KYNU: variants seen among roughly 807,000 people sequenced by gnomAD.
KYNU encodes the protein kynureninase.
Under a neutral mutation model 59.2 loss-of-function variants are expected in KYNU, and 54 were observed. That is an observed-to-expected ratio of 0.91 (90% CI 0.73 to 1.14). The LOEUF (loss-of-function observed/expected upper bound fraction) is 1.14, where lower values mean the gene tolerates loss of function less well. Ranked by LOEUF, KYNU falls within the 50% of genes most tolerant of loss-of-function variation. KYNU has a pLI of 0.00. For synonymous variants in KYNU, 177 were observed against 192.0 expected (o/e 0.92, Z 0.65); for missense variants, 567 against 554.4 (o/e 1.02, Z -0.23).
intron 10 of KYNU, among the ~76,000 whole-genome samples, chr2:143,000,707 G>C (rs1685685055): frequency 6.6e-6 from 1 of 152,198 alleles, no homozygotes; most frequent in Non-Finnish European, 1.5e-5. Context: ...AGTTATAGCA[G>C]GTATTTCAGC....
intron 1 of KYNU, 96 bp from the exon 2 acceptor site, chr2:142,885,253 G>T (rs751943598): frequency 2.3e-4 from 207 of 916,730 alleles, no homozygotes; most frequent in Middle Eastern, 8.6e-4. Context: ...TTGGGAAAAG[G>T]GAGTCTTAGT....
intron 3 of KYNU, among the ~76,000 whole-genome samples, chr2:142,926,664 C>A (rs1442987862): frequency 2.0e-5 from 3 of 152,174 alleles, no homozygotes; most frequent in South Asian, 2.1e-4. Context: ...AGCTATAGCT[C>A]CTCCCCAGGG....
rs1389088651 is a variant in KYNU at position 143,049,071 on chromosome 2, T to A, written c.*6899T>A. 1 of 152,202 alleles carries A rather than the reference T, an allele frequency of 6.6e-6. No individual in the cohort carries two copies. Among genetic ancestry groups the A allele is most frequent in the Non-Finnish European group, 1.5e-5 (1 of 68,042 alleles). 9.4% of individuals were successfully genotyped at this position (152,202 alleles called of 1,614,324 possible). Reference sequence around the variant, plus strand: ...TAATTTCTAGAAAATTCAGAAGTATTATTTATTTATTCAATTATTACCTCT... The same window carrying A: ...TAATTTCTAGAAAATTCAGAAGTATAATTTATTTATTCAATTATTACCTCT... On this transcript the variant is annotated 3_prime_UTR_variant, in exon 14 of 14. Transcript: ENST00000264170.
At chr2:142,980,836 A>G (rs1323631153) in intron 8 of KYNU, among the ~76,000 whole-genome samples, 2 of 152,168 alleles carry the variant, frequency 1.3e-5, no homozygotes, top group African/African-American at 4.8e-5. Context: ...GAAAAATTGC[A>G]TAAAGTAGCT....
chr2:142,927,960 A>G (rs973205056), intron 4 of KYNU, among the ~76,000 whole-genome samples: 6 of 152,134 alleles, frequency 3.9e-5, no homozygotes, highest in Admixed American at 3.3e-4. Flanking sequence ...AATAAAATAT[A>G]TGTTATTTTT....
intron 3 of KYNU, among the ~76,000 whole-genome samples, chr2:142,919,050 T>C (rs1476347817): frequency 6.6e-6 from 1 of 152,242 alleles, no homozygotes; most frequent in East Asian, 1.9e-4. Context: ...TAGGGAATAG[T>C]GACGAGAAAA....
intron 11 of KYNU, among the ~76,000 whole-genome samples, chr2:143,031,693 C>T: frequency 6.6e-6 from 1 of 152,118 alleles, no homozygotes; most frequent in Middle Eastern, 3.2e-3. Context: ...CCACTGCACT[C>T]AGGCCTGGGT....
chr2:143,003,182 A>T (rs995995406), intron 10 of KYNU, among the ~76,000 whole-genome samples: 1 of 152,210 alleles, frequency 6.6e-6, no homozygotes, highest in Non-Finnish European at 1.5e-5. Flanking sequence ...GTTTTTCTAC[A>T]CAATTTAACT....
At chr2:143,020,566 A>G (rs1026395282) in intron 10 of KYNU, among the ~76,000 whole-genome samples, 9 of 152,180 alleles carry the variant, frequency 5.9e-5, no homozygotes, top group Admixed American at 5.2e-4. Flanking sequence ...ATCCTGGCAA[A>G]TGTTCTAAGT....
chr2:142,928,498 A>C (rs1040179504), intron 4 of KYNU, among the ~76,000 whole-genome samples: 7 of 152,178 alleles, frequency 4.6e-5, no homozygotes, highest in African/African-American at 1.7e-4. Flanking sequence ...ACATAAAAAT[A>C]TCTTTATTGC....
At position 142,986,017 on chromosome 2, in the gene KYNU, C is replaced by T; in HGVS notation, c.898C>T (p.Pro300Ser). The T allele has an allele frequency of 1.9e-6, 3 of 1,606,056 alleles. No individual in the cohort carries two copies. Among genetic ancestry groups the T allele is most frequent in the East Asian group, 2.2e-5 (1 of 44,712 alleles). ...TGAAAAGCATGCCCATACGATTAAA[C>T]CTGCGTGAGTACCATCTTCAGCTAA... ...IHEKHAHTIK[P>S]ALVGWFGHEL... The change falls in exon 10 of 14, where the codon CCT (proline) becomes TCT (serine). Residue 300 changes from proline (P) to serine (S), a missense_variant. By Grantham distance (74) the Pro-to-Ser change is moderately conservative (BLOSUM62 -1). Coordinates refer to ENST00000264170, the MANE Select transcript of KYNU (RefSeq NM_003937.3).
intron 4 of KYNU, among the ~76,000 whole-genome samples, chr2:142,945,991 G>A (rs956594453): frequency 6.6e-6 from 1 of 151,956 alleles, no homozygotes; most frequent in Non-Finnish European, 1.5e-5. Flanking sequence ...ACCCACTTTG[G>A]CCTCCCAAAG....
chr2:142,900,441 A>G (rs1682037725), intron 2 of KYNU, among the ~76,000 whole-genome samples: 1 of 152,196 alleles, frequency 6.6e-6, no homozygotes, highest in African/African-American at 2.4e-5. Context: ...TTGCCAGCTC[A>G]AATGCCTGGG....
intron 7 of KYNU, among the ~76,000 whole-genome samples, chr2:142,960,335 G>T (rs1684300851): frequency 6.6e-6 from 1 of 152,132 alleles, no homozygotes; most frequent in African/African-American, 2.4e-5. Flanking sequence ...ACAACTTATA[G>T]CTGTGGAAAG....
At position 143,049,773 on chromosome 2, in the gene KYNU, C is replaced by T. The variant is rs1687233414; in HGVS notation, c.*7601C>T. 6.6e-6 allele frequency: 1 copy of T among 152,068 alleles called. No individual in the cohort carries two copies. Among genetic ancestry groups the T allele is most frequent in the Admixed American group, 6.6e-5 (1 of 15,262 alleles). 9.4% of individuals were successfully genotyped at this position (152,068 alleles called of 1,614,324 possible). ...CCATATCTAATATATAATGAATGTA[C>T]AGTTGTTTCTGTTGGAGTTCACATA... On this transcript the variant is annotated 3_prime_UTR_variant, in exon 14 of 14. Coordinates refer to ENST00000264170, the MANE Select transcript of KYNU (RefSeq NM_003937.3).
At position 142,985,114 on chromosome 2, in the gene KYNU, G is replaced by A; in HGVS notation, c.760G>A (p.Ala254Thr). 1 of 1,610,952 alleles carries A rather than the reference G, an allele frequency of 6.2e-7. No homozygotes were observed. The highest frequency in any genetic ancestry group is 8.5e-7 in the Non-Finnish European group (1 of 1,177,592). The change falls in exon 9 of 14, where the codon GCA becomes ACA. Residue 254 changes from alanine (A) to threonine (T), a missense_variant. Ala to Thr is a moderately conservative substitution (Grantham distance 58). Transcript: ENST00000264170. ...TTATGTTGGCTTTGATCTAGCACAT[G>A]CAGTTGGAAATGTTGAACTCTACTT... ...GCYVGFDLAHAVGNVELYLHD... is the reference protein window; with the variant it reads ...GCYVGFDLAHTVGNVELYLHD...
intron 10 of KYNU, among the ~76,000 whole-genome samples, chr2:142,992,361 C>T (rs907036831): frequency 2.6e-5 from 4 of 151,630 alleles, no homozygotes; most frequent in African/African-American, 4.8e-5. Context: ...TGATATTTTG[C>T]TACCATATCA....
chr2:142,937,763 A>T (rs1236292780), intron 4 of KYNU, among the ~76,000 whole-genome samples: 2 of 152,244 alleles, frequency 1.3e-5, no homozygotes, highest in Non-Finnish European at 2.9e-5. Flanking sequence ...GGTGATTAGC[A>T]CAAGAGTAGG....
chr2:142,907,176 C>T (rs1004197592), intron 2 of KYNU, among the ~76,000 whole-genome samples: 18 of 152,272 alleles, frequency 1.2e-4, no homozygotes, highest in African/African-American at 4.3e-4. Flanking sequence ...GTGGGCTGCT[C>T]CCAAGATGGG....
Sources: gnomAD v4.1 joint callset for allele counts (sites outside exome capture counted in the v4.1 genomes callset) on GRCh38, gnomAD v4.1.1 for gene constraint, MANE v1.5 for transcripts, NCBI Gene and HGNC (gene_info 2026-07-23, HGNC 2026-07-21) for gene names.